Variants in PDZRN3 observed in about 807,000 individuals in gnomAD.
PDZRN3 encodes E3 ubiquitin-protein ligase PDZRN3.
PDZRN3 carries 38 observed loss-of-function variants against 85.7 expected under a neutral mutation model. The ratio of observed to expected loss-of-function variants is 0.44; its 90% CI spans 0.34 to 0.58. The LOEUF (loss-of-function observed/expected upper bound fraction) is 0.58, where lower values mean the gene tolerates loss of function less well. Among genes scored for constraint, PDZRN3 ranks in the 20% least tolerant of loss-of-function variants. The pLI, the probability that PDZRN3 is intolerant of heterozygous loss-of-function variation, is 0.01. For synonymous variants in PDZRN3, 759 were observed against 638.0 expected (o/e 1.19, Z -2.86); for missense variants, 1,629 against 1,506.4 (o/e 1.08, Z -1.35).
chr3:73,617,947 C>G (rs1702790285), intron 1 of PDZRN3, among the ~76,000 whole-genome samples: 1 of 152,198 alleles, frequency 6.6e-6, no homozygotes, highest in Non-Finnish European at 1.5e-5. Context: ...CTCAAGTGAT[C>G]TTTCCGGCTA....
In PDZRN3 at chr3:73,383,995, G is replaced by T. The variant is rs530854246; in HGVS notation, c.2571C>A (p.Ser857Arg). 3.1e-6 allele frequency: 5 copies of T among 1,589,524 alleles called. No individual in the cohort carries two copies. The Admixed American group carries it at 5.2e-5, about 16-fold the overall frequency. ...RSPTPSQKLG[S>R]AYLPSYHHSP... ...AGTGGTGATAGGAGGGCAGGTAGGC[G>T]CTGCCCAGCTTCTGGCTGGGCGTGG... Residue 857 changes from serine (S) to arginine (R), a missense_variant, in exon 10 of 10, where the codon AGC (serine) becomes AGA (arginine). Coordinates refer to ENST00000263666, the MANE Select transcript of PDZRN3 (RefSeq NM_015009.3).
chr3:73,404,494 G>T, intron 3 of PDZRN3, 99 bp from the exon 4 acceptor site: 1 of 1,302,596 alleles, frequency 7.7e-7, no homozygotes, highest in East Asian at 2.3e-5. Context: ...GCAGCTAAAA[G>T]AAAGAAGCAG....
chr3:73,433,892 T>C (rs1459584537), intron 3 of PDZRN3: 3 of 1,427,704 alleles, frequency 2.1e-6, no homozygotes, highest in Middle Eastern at 2.6e-4. Flanking sequence ...CACGCTTCCC[T>C]TCCTCCCCTC....
intron 3 of PDZRN3, among the ~76,000 whole-genome samples, chr3:73,555,962 G>T (rs534935141): frequency 6.6e-6 from 1 of 152,104 alleles, no homozygotes; most frequent in African/African-American, 2.4e-5. Context: ...ACTGAAGAGG[G>T]TGATTCAGAA....
At chr3:73,456,184 ATGTGTGTG>A (rs10608893) in intron 3 of PDZRN3, among the ~76,000 whole-genome samples, 97,123 of 150,652 alleles carry the variant, frequency 0.64, 31,286 homozygotes, top group East Asian at 0.82. Flanking sequence ...GAGAAGAAAA[ATGTGTGTG>A]TGTGTGTGTG....
intron 9 of PDZRN3, 110 bp from the exon 10 acceptor site, chr3:73,385,040 G>T: frequency 1.5e-6 from 2 of 1,297,654 alleles, no homozygotes; most frequent in Non-Finnish European, 2.1e-6. Context: ...ACATTTCTAA[G>T]GCCAAGGGAC....
At chr3:73,612,389 A>G (rs2106909824) in intron 1 of PDZRN3, among the ~76,000 whole-genome samples, 1 of 152,196 alleles carries the variant, frequency 6.6e-6, no homozygotes, top group East Asian at 1.9e-4. Context: ...CCAAAGACTG[A>G]GCCTGGCATG....
In PDZRN3 at chr3:73,401,013, A is replaced by C. The variant is rs770301819; in HGVS notation, c.1167-4T>G. 1 of 1,599,868 alleles carries C rather than the reference A, an allele frequency of 6.3e-7. No individual in the cohort carries two copies. Among genetic ancestry groups the C allele is most frequent in the Admixed American group, 1.7e-5 (1 of 59,996 alleles). On this transcript the variant is annotated splice_region_variant and splice_polypyrimidine_tract_variant and intron_variant, in intron 4 of 9. Coordinates refer to ENST00000263666, the MANE Select transcript of PDZRN3 (RefSeq NM_015009.3). ...GTATTCATGGGCTGAGGGATGCCTG[A>C]AAAGAGATGCAACATCTTTACAGCC...
At chr3:73,616,601 C>T (rs185658874) in intron 1 of PDZRN3, among the ~76,000 whole-genome samples, 1 of 152,188 alleles carries the variant, frequency 6.6e-6, no homozygotes, top group Admixed American at 6.5e-5. Flanking sequence ...AGGAGGCTTA[C>T]AATGAAACCA....
At position 73,624,848 on chromosome 3, in the gene PDZRN3, C is replaced by A; in HGVS notation, c.-23G>T. On this transcript the variant is annotated 5_prime_UTR_variant, in exon 1 of 10. Coordinates refer to ENST00000263666, the MANE Select transcript of PDZRN3 (RefSeq NM_015009.3). The stretch of plus-strand genomic sequence containing the variant: ...CATGGTGGCGGCCAGGCCCCGGGGT[C>A]GCCGCCGGGCGGCCGGGCGCCCCCT... The A allele has an allele frequency of 1.6e-6, 2 of 1,270,466 alleles. No homozygotes were observed. The highest frequency in any genetic ancestry group is 2.0e-6 in the Non-Finnish European group (2 of 1,010,552). 78.7% of individuals were successfully genotyped at this position (1,270,466 alleles called of 1,614,324 possible).
At chr3:73,515,180 T>C (rs988375086) in intron 3 of PDZRN3, among the ~76,000 whole-genome samples, 1 of 144,728 alleles carries the variant, frequency 6.9e-6, no homozygotes, top group Non-Finnish European at 1.5e-5. Context: ...GCCCTTTTTT[T>C]TTTTTTTTTT....
At chr3:73,490,335 C>T (rs751426864) in intron 3 of PDZRN3, among the ~76,000 whole-genome samples, 4 of 152,170 alleles carry the variant, frequency 2.6e-5, no homozygotes, top group African/African-American at 4.8e-5. Context: ...AGACCATGTA[C>T]GCCCACTACG....
At position 73,384,422 on chromosome 3, in the gene PDZRN3, T is replaced by C; in HGVS notation, c.2144A>G (p.Tyr715Cys). The C allele has an allele frequency of 6.2e-7, 1 of 1,611,008 alleles. No individual in the cohort carries two copies. Among genetic ancestry groups the C allele is most frequent in the Non-Finnish European group, 8.5e-7 (1 of 1,180,002 alleles). Residue 715 changes from tyrosine to cysteine, a missense_variant, in exon 10 of 10, where the codon TAC becomes TGC. By Grantham distance (194) the Tyr-to-Cys change is radical. Transcript: ENST00000263666. ...AHKMQQLKEQ[Y>C]RESWMLHNSG... ...GTTGTGCAGCATCCAGGACTCGCGG[T>C]ACTGCTCCTTGAGCTGCTGCATCTT...
chr3:73,581,952 T>C (rs186581341), intron 3 of PDZRN3, among the ~76,000 whole-genome samples: 1 of 151,670 alleles, frequency 6.6e-6, no homozygotes, highest in Non-Finnish European at 1.5e-5. Context: ...TACAAGAAAT[T>C]AGCTGTGTGT....
intron 3 of PDZRN3, among the ~76,000 whole-genome samples, chr3:73,423,665 G>T (rs1013717550): frequency 6.6e-6 from 1 of 152,158 alleles, no homozygotes; most frequent in South Asian, 2.1e-4. Flanking sequence ...TCTTTTTACA[G>T]ATGAAGAATG....
intron 3 of PDZRN3, among the ~76,000 whole-genome samples, chr3:73,424,371 A>AG (rs1188838642): frequency 7.2e-6 from 1 of 139,540 alleles, no homozygotes; most frequent in Non-Finnish European, 1.6e-5. Flanking sequence ...CTCTACCAAA[A>AG]AAAAAAAAAA....
chr3:73,477,083 C>T (rs1205849092), intron 3 of PDZRN3, among the ~76,000 whole-genome samples: 3 of 152,150 alleles, frequency 2.0e-5, no homozygotes, highest in Non-Finnish European at 2.9e-5. Context: ...TTTTCATGAA[C>T]TATCTTGCTT....
chr3:73,581,162 G>T (rs1450655612), intron 3 of PDZRN3, among the ~76,000 whole-genome samples: 4 of 152,336 alleles, frequency 2.6e-5, no homozygotes, highest in Non-Finnish European at 4.4e-5. Flanking sequence ...TTCATGGAAA[G>T]AATCACCTGT....
At chr3:73,448,453 C>T (rs1270318828) in intron 3 of PDZRN3, among the ~76,000 whole-genome samples, 3 of 152,256 alleles carry the variant, frequency 2.0e-5, no homozygotes, top group Admixed American at 6.5e-5. Flanking sequence ...TATAGCTCAG[C>T]GTCTGGTGTA....
Sources: allele counts gnomAD v4.1 joint callset (sites outside exome capture counted in the v4.1 genomes callset), GRCh38; gene constraint gnomAD v4.1.1; transcripts MANE v1.5; gene names NCBI Gene and HGNC (gene_info 2026-07-23, HGNC 2026-07-21).